CCDC85A: variants seen among roughly 807,000 people sequenced by gnomAD.
The protein encoded by CCDC85A is coiled-coil domain containing 85A, also known as coiled-coil domain-containing protein 85A.
CCDC85A carries 38 observed loss-of-function variants against 50.2 expected under a neutral mutation model. That is an observed-to-expected ratio of 0.76 (90% confidence interval 0.58 to 0.99). The LOEUF (loss-of-function observed/expected upper bound fraction) is 0.99. CCDC85A is among the 50% of genes least tolerant of loss of function. CCDC85A has a pLI of 0.00. For missense variants in CCDC85A, 820 were observed against 742.0 expected, an observed-to-expected ratio of 1.11 and a Z score of -1.22; for synonymous variants, 366 against 301.4, an observed-to-expected ratio of 1.21 and a Z score of -2.22.
chr2:56,309,155 A>G (rs1672575575), intron 2 of CCDC85A, among the ~76,000 whole-genome samples: 3 of 152,200 alleles, frequency 2.0e-5, no homozygotes, highest in Admixed American at 2.0e-4. Context: ...AACTTTTTAT[A>G]AGAAGGATAG....
chr2:56,365,067 C>A (rs1034543832), intron 3 of CCDC85A, among the ~76,000 whole-genome samples: 4 of 152,164 alleles, frequency 2.6e-5, no homozygotes, highest in African/African-American at 9.7e-5. Flanking sequence ...TTGGACTCAG[C>A]TTTTGCTACT....
intron 5 of CCDC85A, among the ~76,000 whole-genome samples, chr2:56,380,568 A>C (rs543935912): frequency 5.3e-5 from 8 of 152,082 alleles, no homozygotes; most frequent in South Asian, 2.1e-4. Flanking sequence ...TCAAAAAAAA[A>C]AACAACAACA....
intron 2 of CCDC85A, among the ~76,000 whole-genome samples, chr2:56,315,714 A>G (rs1672891255): frequency 6.6e-6 from 1 of 152,162 alleles, no homozygotes; most frequent in African/African-American, 2.4e-5. Flanking sequence ...TATAAGGGCC[A>G]GCTCTTGAAA....
chr2:56,329,172 C>T (rs973303288), intron 2 of CCDC85A, among the ~76,000 whole-genome samples: 2 of 152,150 alleles, frequency 1.3e-5, no homozygotes, highest in African/African-American at 4.8e-5. Context: ...CTCTCAGGCT[C>T]ATTGCCATCT....
At chr2:56,220,889 G>A (rs1206308213) in intron 2 of CCDC85A, among the ~76,000 whole-genome samples, 1 of 151,944 alleles carries the variant, frequency 6.6e-6, no homozygotes, top group African/African-American at 2.4e-5. Flanking sequence ...AAGTATGCAG[G>A]TGGTCAAGGA....
intron 2 of CCDC85A, among the ~76,000 whole-genome samples, chr2:56,337,701 G>T (rs971869448): frequency 1.3e-5 from 2 of 151,606 alleles, no homozygotes; most frequent in Non-Finnish European, 2.9e-5. Context: ...ACAGGATTTA[G>T]TACTAAATTT....
chr2:56,322,185 A>G (rs1673235470), intron 2 of CCDC85A, among the ~76,000 whole-genome samples: 1 of 152,238 alleles, frequency 6.6e-6, no homozygotes, highest in Non-Finnish European at 1.5e-5. Flanking sequence ...AAAGCCATAA[A>G]AACTCTAGAA....
chr2:56,277,462 C>A (rs986665878), intron 2 of CCDC85A, among the ~76,000 whole-genome samples: 1 of 152,006 alleles, frequency 6.6e-6, no homozygotes, highest in Non-Finnish European at 1.5e-5. Context: ...GAAAAAAAAC[C>A]TTTAGAGATT....
rs1025832202 is a variant in CCDC85A, at chr2:56,285,056, G to T, written c.1241-57823G>T. On this transcript the variant is annotated intron_variant, in intron 2 of 5. Transcript: ENST00000407595. Reference sequence around the variant, plus strand: ...TTTTGTGTTTTCATCCAGTCTGGCAGTGTCTGCTTTTTGAATAGAGTTTTG... The same window carrying T: ...TTTTGTGTTTTCATCCAGTCTGGCATTGTCTGCTTTTTGAATAGAGTTTTG... Among the ~76,000 whole-genome samples, 4 of 151,238 alleles carry T rather than the reference G, an allele frequency of 2.6e-5. No individual in the cohort carries two copies. The East Asian group carries it at 7.7e-4, about 29-fold the overall frequency.
At chr2:56,321,921 C>T (rs946994928) in intron 2 of CCDC85A, among the ~76,000 whole-genome samples, 5 of 152,282 alleles carry the variant, frequency 3.3e-5, no homozygotes, top group African/African-American at 7.2e-5. Context: ...ACCAAAACAG[C>T]GTGGTACTGG....
chr2:56,231,556 CT>C (rs1347292417), intron 2 of CCDC85A, among the ~76,000 whole-genome samples: 4 of 152,046 alleles, frequency 2.6e-5, no homozygotes, highest in Non-Finnish European at 5.9e-5. Context: ...TGACTCTTGG[CT>C]TCAATCTAAG....
At chr2:56,335,316 A>G (rs1674018358) in intron 2 of CCDC85A, among the ~76,000 whole-genome samples, 1 of 152,164 alleles carries the variant, frequency 6.6e-6, no homozygotes. Context: ...TTCATATGGA[A>G]TGAGTGCAAG....
intron 3 of CCDC85A, among the ~76,000 whole-genome samples, chr2:56,347,732 G>T (rs1674699223): frequency 6.6e-6 from 1 of 152,082 alleles, no homozygotes; most frequent in South Asian, 2.1e-4. Context: ...GTGGATAGGG[G>T]GAACTGATAG....
intron 5 of CCDC85A, among the ~76,000 whole-genome samples, chr2:56,381,971 C>T (rs79612041): frequency 0.032 from 4,872 of 151,978 alleles, 206 homozygotes; most frequent in Middle Eastern, 0.099. Context: ...CCTTGTTTAC[C>T]TTTAAAAGTT....
intron 2 of CCDC85A, among the ~76,000 whole-genome samples, chr2:56,337,910 G>A (rs1265095192): frequency 2.0e-5 from 3 of 151,050 alleles, no homozygotes; most frequent in African/African-American, 4.9e-5. Context: ...TCAGCCTCCC[G>A]AGTAGCTGGG....
intron 2 of CCDC85A, among the ~76,000 whole-genome samples, chr2:56,329,706 C>T (rs1036089525): frequency 6.6e-6 from 1 of 151,944 alleles, no homozygotes; most frequent in African/African-American, 2.4e-5. Flanking sequence ...TATATGCTGG[C>T]TAAATTCAAT....
intron 2 of CCDC85A, among the ~76,000 whole-genome samples, chr2:56,204,096 C>T (rs57574797): frequency 0.032 from 4,832 of 152,190 alleles, 248 homozygotes; most frequent in African/African-American, 0.11. Flanking sequence ...ATTTAGATTT[C>T]ACAGGTAAAT....
rs535321306 is a variant in CCDC85A, at chr2:56,283,492, G to T, written c.1241-59387G>T. Among the ~76,000 whole-genome samples the T allele has an allele frequency of 7.2e-5, 11 of 152,132 alleles. No homozygotes were observed. In the South Asian group the frequency reaches 2.3e-3, roughly 32 times the overall value. The stretch of plus-strand genomic sequence containing the variant: ...AAAGTTTCTTTTCTAACATTTGCTG[G>T]TTTTGGATTTACTATTACTTTCACC... On this transcript the variant is annotated intron_variant, in intron 2 of 5. Transcript: ENST00000407595.
At chr2:56,339,050 C>A (rs889760886) in intron 2 of CCDC85A, among the ~76,000 whole-genome samples, 1 of 152,150 alleles carries the variant, frequency 6.6e-6, no homozygotes, top group South Asian at 2.1e-4. Context: ...GAACAATTAA[C>A]AGGACCTTCT....
Sources: allele counts gnomAD v4.1 joint callset (sites outside exome capture counted in the v4.1 genomes callset), GRCh38; gene constraint gnomAD v4.1.1; transcripts MANE v1.5; gene names NCBI Gene and HGNC (gene_info 2026-07-23, HGNC 2026-07-21).